Variants in FAM171A1 observed in about 807,000 individuals in gnomAD.
The protein encoded by FAM171A1 is protein FAM171A1.
In FAM171A1, 23 loss-of-function variants were observed where a neutral mutation model predicts 74.9. The observed-to-expected ratio is 0.31, with a 90% confidence interval of 0.22 to 0.44. The LOEUF is 0.44. Ranked by LOEUF, FAM171A1 falls within the 20% of genes least tolerant of loss-of-function variation. FAM171A1 has a pLI of 1.00. For missense variants in FAM171A1, 1,162 were observed against 1,159.2 expected (o/e 1.00, Z -0.03); for synonymous variants, 527 against 505.7 (o/e 1.04, Z -0.57).
chr10:15,283,307 A>G (rs963465212), intron 2 of FAM171A1, among the ~76,000 whole-genome samples: 7 of 152,070 alleles, frequency 4.6e-5, no homozygotes, highest in African/African-American at 1.7e-4. Context: ...CATTCCTTCT[A>G]TTTCATCCTT....
intron 6 of FAM171A1, among the ~76,000 whole-genome samples, chr10:15,220,693 C>G (rs1186268362): frequency 6.6e-6 from 1 of 152,102 alleles, no homozygotes; most frequent in Non-Finnish European, 1.5e-5. Flanking sequence ...CCTATGGCAG[C>G]TGTCTGAACA....
At chr10:15,329,082 G>A (rs546090082) in intron 1 of FAM171A1, among the ~76,000 whole-genome samples, 2 of 152,290 alleles carry the variant, frequency 1.3e-5, no homozygotes, top group East Asian at 3.9e-4. Flanking sequence ...GTGGGAGGAC[G>A]CCCTCAGATG....
At chr10:15,248,883 C>A in intron 4 of FAM171A1, 68 bp from the exon 5 acceptor site, 1 of 1,455,384 alleles carries the variant, frequency 6.9e-7, no homozygotes, top group Non-Finnish European at 9.2e-7. Context: ...GAAACCTTTG[C>A]AAAAAAATAG....
upstream of FAM171A1, among the ~76,000 whole-genome samples, chr10:15,374,098 C>T (rs1836178141): frequency 6.6e-6 from 1 of 152,174 alleles, no homozygotes; most frequent in South Asian, 2.1e-4. Context: ...GCGAGACGCT[C>T]AGGTCTGATG....
At chr10:15,252,564 T>C (rs1197737577) in intron 4 of FAM171A1, among the ~76,000 whole-genome samples, 2 of 152,118 alleles carry the variant, frequency 1.3e-5, no homozygotes, top group African/African-American at 2.4e-5. Context: ...GGGGCCGCCA[T>C]GGAGCTGGTG....
intron 4 of FAM171A1, among the ~76,000 whole-genome samples, chr10:15,252,126 TA>T (rs1834516675): frequency 1.3e-5 from 2 of 152,170 alleles, no homozygotes; most frequent in Admixed American, 6.5e-5. Flanking sequence ...GCAATTTTTG[TA>T]AAAACCCCTT....
chr10:15,235,452 T>C (rs1028881334), intron 5 of FAM171A1, among the ~76,000 whole-genome samples: 1 of 148,138 alleles, frequency 6.8e-6, no homozygotes, highest in African/African-American at 2.6e-5. Context: ...CATCCATGGC[T>C]AGGTGGGGCT....
chr10:15,254,047 G>A (rs955835454), intron 4 of FAM171A1, among the ~76,000 whole-genome samples: 1 of 152,222 alleles, frequency 6.6e-6, no homozygotes, highest in African/African-American at 2.4e-5. Flanking sequence ...GACCTGCCAG[G>A]AGAGGGCGGA....
chr10:15,273,015 A>G (rs1353570822), intron 3 of FAM171A1, among the ~76,000 whole-genome samples: 1 of 152,190 alleles, frequency 6.6e-6, no homozygotes, highest in Non-Finnish European at 1.5e-5. Context: ...TTCAAAAGCT[A>G]GCAGAAGGCA....
intron 3 of FAM171A1, among the ~76,000 whole-genome samples, chr10:15,257,872 G>C (rs540741210): frequency 6.6e-6 from 1 of 152,200 alleles, no homozygotes; most frequent in South Asian, 2.1e-4. Context: ...TCTTAAGCCT[G>C]CCTCCGTGTA....
intron 5 of FAM171A1, among the ~76,000 whole-genome samples, chr10:15,233,903 C>CAAAAAAAAAAAAAAAAAAA (rs915508767): frequency 1.5e-5 from 2 of 129,164 alleles, no homozygotes; most frequent in Admixed American, 7.8e-5. Context: ...TCCGTCTCAC[C>CAAAAAAAAAAAAAAAAAAA]AAAAAAAAAA....
At chr10:15,248,914 T>C (rs1834471493) in intron 4 of FAM171A1, 99 bp from the exon 5 acceptor site, 6 of 1,139,690 alleles carry the variant, frequency 5.3e-6, no homozygotes, top group Admixed American at 2.6e-5. Flanking sequence ...CATTACCTCC[T>C]ATATGCCAGG....
chr10:15,356,032 T>C (rs1250835301), intron 1 of FAM171A1, among the ~76,000 whole-genome samples: 2 of 152,094 alleles, frequency 1.3e-5, no homozygotes, highest in East Asian at 1.9e-4. Flanking sequence ...GATGGGCTAA[T>C]AGAATAAAGA....
intron 1 of FAM171A1, among the ~76,000 whole-genome samples, chr10:15,329,453 C>T (rs1397694285): frequency 6.6e-6 from 1 of 151,962 alleles, no homozygotes; most frequent in Non-Finnish European, 1.5e-5. Context: ...GAGTTTGAGA[C>T]CAGCCTGGGT....
chr10:15,295,265 T>C (rs1321353022), intron 1 of FAM171A1, among the ~76,000 whole-genome samples: 2 of 152,172 alleles, frequency 1.3e-5, no homozygotes, highest in Admixed American at 1.3e-4. Flanking sequence ...ATCCCCACTT[T>C]GTCAAATAAT....
Position 15,331,845 on chromosome 10 carries a change from G to GTATACA in FAM171A1, c.97+39110_97+39111insTGTATA, listed in dbSNP as rs1835637587. Reference sequence around the variant, plus strand: ...TATATATGTGTGTATATATATGTGTGTATATATATGTGTGTATATATATGT... The same window carrying GTATACA: ...TATATATGTGTGTATATATATGTGTGTATACATATATATATGTGTGTATATATATGT... On this transcript the variant is annotated intron_variant, in intron 1 of 7. Transcript: ENST00000378116. Among the ~76,000 whole-genome samples the GTATACA allele has an allele frequency of 2.5e-4, 14 of 55,350 alleles. 1 individual carries two copies. Among genetic ancestry groups the GTATACA allele is most frequent in the Non-Finnish European group, 3.2e-4 (9 of 28,448 alleles). The allele number at this position is 55,350 out of a possible 152,430, so 36.3% of individuals were successfully genotyped here.
intron 1 of FAM171A1, among the ~76,000 whole-genome samples, chr10:15,367,809 A>G (rs1434781567): frequency 2.6e-5 from 4 of 152,254 alleles, no homozygotes; most frequent in African/African-American, 4.8e-5. Context: ...CACCTGCTAG[A>G]TATCCAGCGA....
At position 15,253,536 on chromosome 10, in the gene FAM171A1, A is replaced by T. The variant is rs181207045; in HGVS notation, c.577+1185T>A. On this transcript the variant is annotated intron_variant, in intron 4 of 7. Transcript: ENST00000378116. ...AACAGAGAGAAGAAAAATGAGTAAC[A>T]AATCACCATGTTGCCTTTATGTATA... Among the ~76,000 whole-genome samples, 89 of 152,356 alleles carry T rather than the reference A, an allele frequency of 5.8e-4. 1 individual carries two copies. The highest frequency in any genetic ancestry group is 1.1e-3 in the Non-Finnish European group (78 of 68,036).
At chr10:15,366,472 G>A (rs1030989377) in intron 1 of FAM171A1, among the ~76,000 whole-genome samples, 2 of 152,100 alleles carry the variant, frequency 1.3e-5, no homozygotes, top group African/African-American at 4.8e-5. Flanking sequence ...TGTGTTTCCT[G>A]GAGTTGAATA....
Sources: gnomAD v4.1 joint callset for allele counts (sites outside exome capture counted in the v4.1 genomes callset) on GRCh38, gnomAD v4.1.1 for gene constraint, MANE v1.5 for transcripts, NCBI Gene and HGNC (gene_info 2026-07-23, HGNC 2026-07-21) for gene names.